Variants in EFCAB5 observed in about 807,000 individuals in gnomAD.
EFCAB5 encodes the protein EF-hand calcium binding domain 5.
Under a neutral mutation model 167.9 loss-of-function variants are expected in EFCAB5, and 131 were observed. That is an observed-to-expected ratio of 0.78 (90% CI 0.68 to 0.90). The LOEUF (loss-of-function observed/expected upper bound fraction) is 0.90. Ranked by LOEUF, EFCAB5 falls within the 40% of genes least tolerant of loss-of-function variation. The pLI is 0.00. For missense variants in EFCAB5, 1,663 were observed against 1,745.2 expected (o/e 0.95, Z 0.84); for synonymous variants, 574 against 602.8 (o/e 0.95, Z 0.70).
intron 3 of EFCAB5, among the ~76,000 whole-genome samples, chr17:29,965,124 C>T (rs1427908141): frequency 1.3e-5 from 2 of 151,896 alleles, no homozygotes; most frequent in East Asian, 1.9e-4. Context: ...AGTATGGTCT[C>T]GGTCTCCTGA....
intron 1 of EFCAB5, among the ~76,000 whole-genome samples, chr17:29,935,879 C>G (rs550581928): frequency 6.6e-6 from 1 of 152,254 alleles, no homozygotes; most frequent in African/African-American, 2.4e-5. Flanking sequence ...CTTCATGGCA[C>G]CCATGGTTCT....
At chr17:30,072,706 C>T (rs536172015) in intron 14 of EFCAB5, among the ~76,000 whole-genome samples, 13 of 152,278 alleles carry the variant, frequency 8.5e-5, no homozygotes, top group Admixed American at 1.3e-4. Flanking sequence ...AGAAGCAATG[C>T]TGTGTTCTTC....
At chr17:29,968,377 G>T (rs2067876975) in intron 3 of EFCAB5, 1 of 450,186 alleles carries the variant, frequency 2.2e-6, no homozygotes, top group African/African-American at 2.0e-5. Context: ...GAAATGTAAA[G>T]GGAAGTCTTA....
At chr17:29,930,048 TG>T in intron 1 of EFCAB5, 1 of 739,620 alleles carries the variant, frequency 1.4e-6, no homozygotes, top group Non-Finnish European at 1.7e-6. Flanking sequence ...GTCCTGAGTG[TG>T]GGGGACGGGA....
intron 7 of EFCAB5, among the ~76,000 whole-genome samples, chr17:30,030,332 G>T (rs2069446251): frequency 6.6e-6 from 1 of 152,006 alleles, no homozygotes; most frequent in African/African-American, 2.4e-5. Flanking sequence ...CTCAGAAAAA[G>T]GTTTGTTTGT....
At position 30,078,442 on chromosome 17, in the gene EFCAB5, G is replaced by T. The variant is rs756061411; in HGVS notation, c.2965G>T (p.Ala989Ser). 6.2e-7 allele frequency: 1 copy of T among 1,613,870 alleles called. No individual in the cohort carries two copies. The highest frequency in any genetic ancestry group is 1.3e-5 in the African/African-American group (1 of 75,024). ...RKWLHQIQCA[A>S]ETSGVSLEPV... ...ATGGCTGCACCAAATCCAATGTGCT[G>T]CAGAGACAAGTGGGGTGTCCCTAGA... Residue 989 changes from alanine to serine, a missense_variant, in exon 15 of 23, where the codon GCA becomes TCA. By Grantham distance (99) the Ala-to-Ser change is moderately conservative. Transcript: ENST00000394835.
At chr17:29,981,493 C>T (rs769775696) in intron 4 of EFCAB5, among the ~76,000 whole-genome samples, 7 of 152,188 alleles carry the variant, frequency 4.6e-5, no homozygotes, top group Non-Finnish European at 7.3e-5. Flanking sequence ...CCCTTATGTG[C>T]TCTCATAGCA....
intron 7 of EFCAB5, among the ~76,000 whole-genome samples, chr17:30,013,357 G>T (rs544929106): frequency 0.012 from 1,764 of 152,196 alleles, 49 homozygotes; most frequent in African/African-American, 0.04. Flanking sequence ...CTATTGATTG[G>T]AATAGTTTCA....
At chr17:30,029,118 C>T (rs4528633) in intron 7 of EFCAB5, among the ~76,000 whole-genome samples, 78,024 of 151,818 alleles carry the variant, frequency 0.51, 20,433 homozygotes, top group African/African-American at 0.57. Flanking sequence ...GGCCTTTGTT[C>T]AATTCATTTG....
At chr17:30,066,017 C>T (rs1156895941) in intron 14 of EFCAB5, among the ~76,000 whole-genome samples, 2 of 152,302 alleles carry the variant, frequency 1.3e-5, no homozygotes, top group Admixed American at 1.3e-4. Context: ...GACTTCAACA[C>T]CTTACTCTCA....
rs1026868328 is a variant in EFCAB5 at position 30,080,075 on chromosome 17, G to A, written c.3031G>A (p.Ala1011Thr). 21 of 1,606,814 alleles carry A rather than the reference G, an allele frequency of 1.3e-5. No individual in the cohort carries two copies. The highest frequency in any genetic ancestry group is 1.7e-5 in the Non-Finnish European group (20 of 1,176,900). Residue 1011 changes from alanine (A) to threonine (T), a missense_variant, in exon 16 of 23, where the codon GCT (alanine) becomes ACT (threonine). Physicochemically the swap from Ala to Thr is moderately conservative, Grantham distance 58. Transcript: ENST00000394835. ...SETFKALMQD[A>T]EAHGNKKISA... ...GGTCGGAAACGTTTTGCTGTAGGAT[G>A]CTGAAGCCCATGGAAATAAAAAGAT...
At chr17:29,946,319 T>C (rs1226515475) in intron 3 of EFCAB5, among the ~76,000 whole-genome samples, 1 of 151,564 alleles carries the variant, frequency 6.6e-6, no homozygotes, top group East Asian at 1.9e-4. Flanking sequence ...ATTATTAAAA[T>C]GTCAAAAAAC....
Position 30,054,122 on chromosome 17 carries a change from C to A in EFCAB5, c.2168C>A (p.Thr723Asn). Residue 723 changes from threonine to asparagine, a missense_variant, in exon 10 of 23, where the codon ACC becomes AAC. Thr to Asn is a moderately conservative substitution (Grantham distance 65). Transcript: ENST00000394835. The stretch of plus-strand genomic sequence containing the variant: ...TCTGAACTGCAAGAGGAAGTTCCAA[C>A]CTTAAGCAGAAAAGATCACTTTCCA... ...LSSELQEEVPTLSRKDHFPET... is the reference protein window; with the variant it reads ...LSSELQEEVPNLSRKDHFPET... 2.6e-6 allele frequency: 4 copies of A among 1,566,526 alleles called. No individual in the cohort carries two copies. Among genetic ancestry groups the A allele is most frequent in the Non-Finnish European group, 3.5e-6 (4 of 1,157,282 alleles).
At position 30,090,553 on chromosome 17, in the gene EFCAB5, A is replaced by C; in HGVS notation, c.3816A>C (p.Gln1272His). The change falls in exon 20 of 23, where the codon CAA becomes CAC. Residue 1272 changes from glutamine (Q) to histidine (H), a missense_variant. Physicochemically the swap from Gln to His is conservative, Grantham distance 24 (BLOSUM62 0). Transcript: ENST00000394835. ...ALGVLDFNIG[Q>H]NRMLLCQEYK... ...GAGTCCTCGATTTTAACATCGGCCAAAATAGGATGTTGTTGTGTCAAGAAT... is the reference window on the plus strand; with the variant it reads ...GAGTCCTCGATTTTAACATCGGCCACAATAGGATGTTGTTGTGTCAAGAAT... 1 of 1,614,018 alleles carries C rather than the reference A, an allele frequency of 6.2e-7. No homozygotes were observed. The highest frequency in any genetic ancestry group is 8.5e-7 in the Non-Finnish European group (1 of 1,179,880).
chr17:29,941,782 A>C lies in EFCAB5; in HGVS notation c.-15A>C, dbSNP rs4567782. 794,485 of 1,592,884 alleles carry C rather than the reference A, an allele frequency of 0.5. 200,754 individuals are homozygous for C. The highest frequency in any genetic ancestry group is 0.67 in the East Asian group (29,971 of 44,422). ...TATTCTTCTATACCATTTGGTGATA[A>C]CTTTTGGAGTCCAAATGAATGAGTC... is the stretch of plus-strand genomic sequence containing the variant. On this transcript the variant is annotated 5_prime_UTR_variant, in exon 1 of 23. Transcript: ENST00000394835.
In EFCAB5 at chr17:29,968,981, A is replaced by G; in HGVS notation, c.381A>G (p.Gln127=). ...NLFERMEARA[Q]AMQQKIIDKE... ...TTGAAAGAATGGAGGCAAGAGCCCA[A>G]GCAATGCAGCAGAAAATAATAGATA... Residue 127 remains glutamine (Q), a synonymous_variant, in exon 4 of 23, where the codon CAA becomes CAG. Coordinates refer to ENST00000394835, the MANE Select transcript of EFCAB5 (RefSeq NM_198529.4). The G allele has an allele frequency of 6.3e-7, 1 of 1,589,830 alleles. No individual in the cohort carries two copies. The highest frequency in any genetic ancestry group is 8.6e-7 in the Non-Finnish European group (1 of 1,168,628).
intron 14 of EFCAB5, chr17:30,069,309 C>A: frequency 6.6e-7 from 1 of 1,505,388 alleles, no homozygotes. Context: ...GATGAGTTAT[C>A]CCCAGAAGAA....
In EFCAB5 at chr17:29,930,266, C is replaced by G. The variant is rs961858964; in HGVS notation, c.-127+937C>G. 1.0e-5 allele frequency: 5 copies of G among 500,478 alleles called. No individual in the cohort carries two copies. The African/African-American group carries it at 1.0e-4, about 10-fold the overall frequency. The allele number at this position is 500,478 out of a possible 1,614,324, so 31.0% of individuals were successfully genotyped here. On this transcript the variant is annotated intron_variant, in intron 1 of 3. Coordinates refer to the EFCAB5 transcript ENST00000448319. Reference sequence around the variant, plus strand: ...TGCGCAGGCGCCACCTGTCAGCTACCGCCTCTCCCCTCGGCGCGCGCCGCC... The same window carrying G: ...TGCGCAGGCGCCACCTGTCAGCTACGGCCTCTCCCCTCGGCGCGCGCCGCC...
intron 13 of EFCAB5, chr17:30,058,922 T>A (rs2070346958): frequency 1.3e-5 from 2 of 150,894 alleles, no homozygotes; most frequent in South Asian, 4.2e-4. Flanking sequence ...ATCACATTCC[T>A]GAACAACTAG....
Sources: gnomAD v4.1 joint callset for allele counts (sites outside exome capture counted in the v4.1 genomes callset) on GRCh38, gnomAD v4.1.1 for gene constraint, MANE v1.5 for transcripts, NCBI Gene and HGNC (gene_info 2026-07-23, HGNC 2026-07-21) for gene names.